TCF7: variants seen among roughly 807,000 people sequenced by gnomAD.
TCF7 encodes transcription factor 7.
In TCF7, 19 loss-of-function variants were observed where a neutral mutation model predicts 46.8. That is an observed-to-expected ratio of 0.41 (90% confidence interval 0.28 to 0.60). The LOEUF (loss-of-function observed/expected upper bound fraction) is 0.60. Ranked by LOEUF, TCF7 falls within the 20% of genes least tolerant of loss-of-function variation. The pLI, the probability that TCF7 is intolerant of heterozygous loss-of-function variation, is 0.35. For missense variants in TCF7, 547 were observed against 504.6 expected (o/e 1.08, Z -0.81); for synonymous variants, 245 against 213.4 (o/e 1.15, Z -1.29).
intron 3 of TCF7, among the ~76,000 whole-genome samples, chr5:134,124,712 G>C (rs1445468884): frequency 6.6e-6 from 1 of 152,188 alleles, no homozygotes; most frequent in Non-Finnish European, 1.5e-5. Context: ...CTCTTCAAGG[G>C]CAGGAAAGCT....
At chr5:134,130,197 C>T (rs1462738375) in intron 3 of TCF7, among the ~76,000 whole-genome samples, 2 of 152,222 alleles carry the variant, frequency 1.3e-5, no homozygotes, top group Non-Finnish European at 2.9e-5. Context: ...ATGGGGTCTG[C>T]GAAAGCCCAC....
intron 9 of TCF7, chr5:134,145,915 G>C: frequency 1.3e-6 from 2 of 1,522,844 alleles, no homozygotes; most frequent in Admixed American, 2.1e-5. Flanking sequence ...GAAGCTCAAA[G>C]GCCGGGACTG....
intron 3 of TCF7, chr5:134,137,838 A>G (rs937906495): frequency 3.2e-5 from 13 of 406,102 alleles, no homozygotes; most frequent in African/African-American, 2.5e-4. Context: ...GTGCCCAGAA[A>G]GACCAAGAGG....
intron 4 of TCF7, 126 bp downstream of exon 4, chr5:134,138,290 C>A: frequency 1.3e-6 from 1 of 771,324 alleles, no homozygotes; most frequent in Non-Finnish European, 2.1e-6. Flanking sequence ...AAACTAAGGG[C>A]CCAAAGAAAA....
intron 3 of TCF7, among the ~76,000 whole-genome samples, chr5:134,134,590 A>C (rs1383224724): frequency 3.9e-5 from 6 of 152,202 alleles, no homozygotes; most frequent in Admixed American, 2.0e-4. Context: ...GAAACTTCCT[A>C]CTTTAACAGG....
chr5:134,132,340 A>AT (rs35782000), intron 3 of TCF7, among the ~76,000 whole-genome samples: 1 of 152,112 alleles, frequency 6.6e-6, no homozygotes, highest in Non-Finnish European at 1.5e-5. Flanking sequence ...GGCCTGAAGC[A>AT]TTTTTTTGCC....
chr5:134,139,235 C>T, intron 5 of TCF7, 197 bp downstream of exon 5: 1 of 777,306 alleles, frequency 1.3e-6, no homozygotes, highest in South Asian at 2.0e-5. Context: ...CTGCATTCCC[C>T]AGGGAGCCTG....
At position 134,143,000 on chromosome 5, in the gene TCF7, C is replaced by T. The variant is rs766194106; in HGVS notation, c.926C>T (p.Ala309Val). The stretch of plus-strand genomic sequence containing the variant: ...CCCTCTTCCCTGTTGCAGTGGCACG[C>T]GCTGTCGCGAGAAGAGCAGGCCAAG... The part of the protein sequence containing the change: ...INQILGRRWH[A>V]LSREEQAKYY... The change falls in exon 8 of 10, where the codon GCG becomes GTG. Residue 309 changes from alanine to valine, a missense_variant. Physicochemically the swap from Ala to Val is moderately conservative, Grantham distance 64. This residue lies in a region of TCF7 where 32 missense variants were observed against 65.9 expected (regional missense o/e 0.49). Coordinates refer to ENST00000342854, the MANE Select transcript of TCF7 (RefSeq NM_003202.5). The T allele has an allele frequency of 5.0e-6, 8 of 1,613,118 alleles. No homozygotes were observed. Among genetic ancestry groups the T allele is most frequent in the Non-Finnish European group, 6.8e-6 (8 of 1,179,526 alleles).
chr5:134,112,152 T>C (rs1046265633), upstream of TCF7, among the ~76,000 whole-genome samples: 1 of 152,074 alleles, frequency 6.6e-6, no homozygotes, highest in Admixed American at 6.6e-5. Flanking sequence ...TTCCAAACCC[T>C]CCTAAGCCAT....
At chr5:134,116,114 T>G in intron 3 of TCF7, 81 bp downstream of exon 3, 1 of 1,506,270 alleles carries the variant, frequency 6.6e-7, no homozygotes, top group Non-Finnish European at 8.9e-7. Context: ...AAGAGACTTC[T>G]GCCTGGAACA....
intron 3 of TCF7, 167 bp downstream of exon 3, chr5:134,116,200 C>A (rs1461110149): frequency 2.4e-5 from 33 of 1,394,660 alleles, no homozygotes; most frequent in Non-Finnish European, 2.8e-5. Flanking sequence ...GAGAACTTTG[C>A]TGAAGGAAGG....
At chr5:134,111,787 C>G (rs1439296977), upstream of TCF7, among the ~76,000 whole-genome samples, 1 of 152,156 alleles carries the variant, frequency 6.6e-6, no homozygotes, top group Admixed American at 6.5e-5. Flanking sequence ...TAATGGAACA[C>G]TAGAGTGTGA....
At chr5:134,120,976 G>T (rs934150699) in intron 3 of TCF7, among the ~76,000 whole-genome samples, 2 of 152,184 alleles carry the variant, frequency 1.3e-5, no homozygotes, top group Non-Finnish European at 2.9e-5. Context: ...TGCTGGCCTG[G>T]CTCCCCTGGG....
intron 9 of TCF7, 120 bp downstream of exon 9, chr5:134,143,760 C>A: frequency 1.7e-6 from 2 of 1,150,616 alleles, no homozygotes; most frequent in South Asian, 2.8e-5. Flanking sequence ...GGGCCTGGGG[C>A]CTATGAAAAC....
At chr5:134,131,301 G>C (rs1248362025) in intron 3 of TCF7, among the ~76,000 whole-genome samples, 1 of 152,244 alleles carries the variant, frequency 6.6e-6, no homozygotes, top group Non-Finnish European at 1.5e-5. Flanking sequence ...CCACATGTGC[G>C]AAATGGGAAG....
At position 134,139,464 on chromosome 5, in the gene TCF7, C is replaced by G. The variant is rs533817947; in HGVS notation, c.635+426C>G. 2.9e-5 allele frequency: 5 copies of G among 172,268 alleles called. No individual in the cohort carries two copies. In the South Asian group the frequency reaches 8.0e-4, roughly 28 times the overall value. The allele number at this position is 172,268 out of a possible 1,614,324, so 10.7% of individuals were successfully genotyped here. A position where few individuals can be genotyped will look rare whatever the true frequency, so the allele number is the denominator to read the frequency against. ...CTTCTCAGCTCACTGGCCTCAGTGC[C>G]TACTGCTTTTGGTCCTTTCCTTGGC... On this transcript the variant is annotated intron_variant, in intron 5 of 9. Transcript: ENST00000342854.
intron 9 of TCF7, chr5:134,144,744 G>A (rs1760425912): frequency 2.1e-6 from 3 of 1,409,406 alleles, no homozygotes; most frequent in South Asian, 1.2e-5. Context: ...GCTCTGCCCC[G>A]CTGCCTGCTC....
chr5:134,109,770 CAAAAAAAAAA>C (rs59510685), upstream of TCF7, among the ~76,000 whole-genome samples: 114,935 of 141,036 alleles, frequency 0.81, 46,083 homozygotes, highest in Non-Finnish European at 0.87. Context: ...GGCTCCATCT[CAAAAAAAAAA>C]AAAAAAAAAA....
chr5:134,116,006 G>T lies in TCF7; in HGVS notation c.414G>T (p.Gly138=). The part of the protein sequence containing the change: ...LMHYPPPSGA[G]QHPQPQPPLH... ...ATTACCCACCCCCCTCGGGAGCAGG[G>T]CAGCACCCCCAGCCGCAGCCCCCGC... Residue 138 remains glycine, a synonymous_variant, in exon 3 of 10, where the codon GGG becomes GGT. Transcript: ENST00000342854. 6.2e-7 allele frequency: 1 copy of T among 1,613,336 alleles called. No individual in the cohort carries two copies. Among genetic ancestry groups the T allele is most frequent in the Non-Finnish European group, 8.5e-7 (1 of 1,179,896 alleles).
Sources: allele counts gnomAD v4.1 joint callset (sites outside exome capture counted in the v4.1 genomes callset), GRCh38; gene constraint gnomAD v4.1.1; regional missense constraint gnomAD v4.1.1; transcripts MANE v1.5; gene names NCBI Gene and HGNC (gene_info 2026-07-23, HGNC 2026-07-21).